Variants in COL22A1 observed in about 807,000 individuals in gnomAD.
COL22A1 encodes the protein collagen type XXII alpha 1 chain.
COL22A1 carries 221 observed loss-of-function variants against 248.9 expected under a neutral mutation model. That is an observed-to-expected ratio of 0.89 (90% confidence interval 0.80 to 0.99). COL22A1 has a LOEUF of 0.99. Ranked by LOEUF, COL22A1 falls within the 50% of genes least tolerant of loss-of-function variation. COL22A1 has a pLI of 0.00. For synonymous variants in COL22A1, 891 were observed against 793.4 expected, an observed-to-expected ratio of 1.12 and a Z score of -2.07; for missense variants, 2,240 against 2,179.0, an observed-to-expected ratio of 1.03 and a Z score of -0.56.
intron 12 of COL22A1, among the ~76,000 whole-genome samples, chr8:138,794,490 G>C (rs551177899): frequency 1.1e-3 from 168 of 152,044 alleles, no homozygotes; most frequent in Admixed American, 2.4e-3. Flanking sequence ...ATTAAAAATA[G>C]AACTACTGTA....
At chr8:138,806,643 G>T (rs1419823530) in intron 10 of COL22A1, among the ~76,000 whole-genome samples, 1 of 152,092 alleles carries the variant, frequency 6.6e-6, no homozygotes, top group Non-Finnish European at 1.5e-5. Context: ...TGTCACGCAG[G>T]GTTGATTTAG....
intron 5 of COL22A1, among the ~76,000 whole-genome samples, chr8:138,832,074 G>A (rs1025644189): frequency 3.3e-5 from 5 of 152,242 alleles, no homozygotes; most frequent in African/African-American, 4.8e-5. Flanking sequence ...ATCTCTGGTC[G>A]TTCTCACTGC....
intron 52 of COL22A1, among the ~76,000 whole-genome samples, chr8:138,621,340 C>T (rs1819786824): frequency 1.3e-5 from 2 of 152,160 alleles, no homozygotes; most frequent in African/African-American, 4.8e-5. Flanking sequence ...TGAGGCTGGG[C>T]CCCAGCCTGG....
At chr8:138,902,739 TACACAC>T (rs35023865) in intron 1 of COL22A1, among the ~76,000 whole-genome samples, 30 of 93,882 alleles carry the variant, frequency 3.2e-4, no homozygotes, top group African/African-American at 1.2e-3. Flanking sequence ...TATATATATA[TACACAC>T]ACACACACAC....
chr8:138,825,046 G>A (rs554340410), intron 6 of COL22A1, among the ~76,000 whole-genome samples: 34 of 152,274 alleles, frequency 2.2e-4, no homozygotes, highest in South Asian at 1.0e-3. Flanking sequence ...CTGAGGGGGC[G>A]GTGCAGGCTC....
intron 48 of COL22A1, among the ~76,000 whole-genome samples, chr8:138,636,163 G>A (rs1821139098): frequency 6.6e-6 from 1 of 152,124 alleles, no homozygotes; most frequent in African/African-American, 2.4e-5. Context: ...TGGTAGAATT[G>A]GACTGGGCAG....
chr8:138,803,030 C>G, intron 10 of COL22A1, 96 bp from the exon 11 acceptor site: 2 of 919,044 alleles, frequency 2.2e-6, no homozygotes, highest in Non-Finnish European at 3.6e-6. Flanking sequence ...CTCCAATTCC[C>G]TAGAAGCAGC....
intron 43 of COL22A1, among the ~76,000 whole-genome samples, chr8:138,660,895 CACAA>C (rs1823811743): frequency 3.3e-4 from 5 of 15,000 alleles, no homozygotes; most frequent in Non-Finnish European, 1.6e-3. Flanking sequence ...TACACAGACA[CACAA>C]ACACACACAT....
intron 6 of COL22A1, among the ~76,000 whole-genome samples, chr8:138,823,150 C>T (rs1343177472): frequency 1.3e-5 from 2 of 152,062 alleles, no homozygotes; most frequent in African/African-American, 2.4e-5. Flanking sequence ...AAAATGGGAC[C>T]AATAGTAGTG....
At chr8:138,616,300 G>A (rs1587683200) in intron 54 of COL22A1, among the ~76,000 whole-genome samples, 1 of 152,338 alleles carries the variant, frequency 6.6e-6, no homozygotes, top group South Asian at 2.1e-4. Context: ...AAGCAGGGAA[G>A]AACAGCAGCT....
chr8:138,898,712 A>G (rs980694689), intron 1 of COL22A1, among the ~76,000 whole-genome samples: 2 of 152,156 alleles, frequency 1.3e-5, no homozygotes, highest in African/African-American at 4.8e-5. Context: ...AACTGCCCAT[A>G]TAGAACATAC....
At chr8:138,592,391 C>T (rs1260319773) in intron 63 of COL22A1, among the ~76,000 whole-genome samples, 4 of 152,296 alleles carry the variant, frequency 2.6e-5, no homozygotes, top group South Asian at 2.1e-4. Flanking sequence ...TGCTGGTTCA[C>T]GGGGACTTCA....
Position 138,877,852 on chromosome 8 carries a change from C to G in COL22A1, c.556G>C (p.Glu186Gln), listed in dbSNP as rs1395498559. ...GVGEALKEELEEIASEPKSAH... is the reference protein window; with the variant it reads ...GVGEALKEELQEIASEPKSAH... ...GACTTGGGCTCTGAGGCGATCTCCT[C>G]CAGCTCCTCCTTGAGTGCCTCGCCC... Residue 186 changes from glutamate to glutamine, a missense_variant, in exon 3 of 65, where the codon GAG (glutamate) becomes CAG (glutamine). By Grantham distance (29) the Glu-to-Gln change is conservative. Transcript: ENST00000303045. The G allele has an allele frequency of 2.5e-6, 4 of 1,613,532 alleles. No individual in the cohort carries two copies. Among genetic ancestry groups the G allele is most frequent in the Non-Finnish European group, 3.4e-6 (4 of 1,179,846 alleles).
chr8:138,661,959 A>C, intron 43 of COL22A1, 71 bp downstream of exon 43: 1 of 1,190,120 alleles, frequency 8.4e-7, no homozygotes, highest in Non-Finnish European at 1.2e-6. Flanking sequence ...AGGCCAGGAG[A>C]TGGTGGAGGG....
intron 62 of COL22A1, among the ~76,000 whole-genome samples, chr8:138,594,637 GAGTA>G (rs1027463200): frequency 3.3e-5 from 5 of 152,206 alleles, no homozygotes; most frequent in African/African-American, 9.7e-5. Flanking sequence ...AATGAGGATG[GAGTA>G]AGTGAGATGA....
chr8:138,837,877 C>G (rs1820556045), intron 4 of COL22A1, among the ~76,000 whole-genome samples: 1 of 152,130 alleles, frequency 6.6e-6, no homozygotes, highest in Non-Finnish European at 1.5e-5. Context: ...AAAACCTGGC[C>G]CAGCCCTGGC....
chr8:138,660,907 CATACACAG>C (rs1823823121), intron 43 of COL22A1, among the ~76,000 whole-genome samples: 2 of 138,490 alleles, frequency 1.4e-5, no homozygotes, highest in Admixed American at 7.3e-5. Flanking sequence ...CAAACACACA[CATACACAG>C]ACACACACAC....
intron 7 of COL22A1, among the ~76,000 whole-genome samples, chr8:138,816,332 T>C (rs1268296893): frequency 6.6e-6 from 1 of 152,118 alleles, no homozygotes; most frequent in African/African-American, 2.4e-5. Context: ...TTCTCTTCCT[T>C]TCCTCCCTGC....
chr8:138,694,740 C>G, intron 33 of COL22A1, 86 bp downstream of exon 33: 1 of 1,499,136 alleles, frequency 6.7e-7, no homozygotes, highest in African/African-American at 1.4e-5. Context: ...GTGGAATGCA[C>G]GGTGCAGATC....
Sources: allele counts gnomAD v4.1 joint callset (sites outside exome capture counted in the v4.1 genomes callset), GRCh38; gene constraint gnomAD v4.1.1; transcripts MANE v1.5; gene names NCBI Gene and HGNC (gene_info 2026-07-23, HGNC 2026-07-21).